CSNK1G3: variants seen among roughly 807,000 people sequenced by gnomAD.
CSNK1G3 encodes casein kinase 1 gamma 3, also known as casein kinase I isoform gamma-3.
Under a neutral mutation model 64.3 loss-of-function variants are expected in CSNK1G3, and 23 were observed. The observed-to-expected ratio is 0.36, with a 90% CI of 0.26 to 0.51. CSNK1G3 has a LOEUF of 0.51. Ranked by LOEUF, CSNK1G3 falls within the 20% of genes least tolerant of loss-of-function variation. CSNK1G3 has a pLI of 0.96. For missense variants in CSNK1G3, 357 were observed against 510.5 expected (o/e 0.70, Z 2.90); for synonymous variants, 158 against 162.2 (o/e 0.97, Z 0.20).
At chr5:123,613,411 A>ATGTGTGTGTGTG (rs34051969) in intron 12 of CSNK1G3, among the ~76,000 whole-genome samples, 1 of 148,712 alleles carries the variant, frequency 6.7e-6, no homozygotes, top group Non-Finnish European at 1.5e-5. Context: ...TGTCCAGTGC[A>ATGTGTGTGTGTG]TGTGTGTGTG....
chr5:123,584,261 G>A (rs1790894323), intron 6 of CSNK1G3, among the ~76,000 whole-genome samples: 1 of 152,048 alleles, frequency 6.6e-6, no homozygotes, highest in Non-Finnish European at 1.5e-5. Flanking sequence ...TCTTAGGAGT[G>A]TCTTTTATCA....
At chr5:123,531,227 C>T (rs1439703257) in intron 1 of CSNK1G3, among the ~76,000 whole-genome samples, 1 of 152,020 alleles carries the variant, frequency 6.6e-6, no homozygotes, top group Non-Finnish European at 1.5e-5. Context: ...TATTGAATAA[C>T]ATGCTAAATA....
chr5:123,534,137 G>T (rs1184434455), intron 1 of CSNK1G3, among the ~76,000 whole-genome samples: 1 of 151,934 alleles, frequency 6.6e-6, no homozygotes, highest in Non-Finnish European at 1.5e-5. Flanking sequence ...ATAAAGTTAC[G>T]TATACTAGAG....
chr5:123,581,163 T>G (rs1790166845), intron 6 of CSNK1G3, among the ~76,000 whole-genome samples: 1 of 151,692 alleles, frequency 6.6e-6, no homozygotes, highest in African/African-American at 2.4e-5. Context: ...ATTATATAAT[T>G]TTTTGTTAGA....
intron 4 of CSNK1G3, among the ~76,000 whole-genome samples, chr5:123,562,837 C>CA: frequency 6.6e-6 from 1 of 152,030 alleles, no homozygotes; most frequent in Admixed American, 6.6e-5. Context: ...ACAACTCAGC[C>CA]ATCTAAAATT....
intron 12 of CSNK1G3, among the ~76,000 whole-genome samples, chr5:123,608,115 A>G (rs546538112): frequency 1.3e-5 from 2 of 152,174 alleles, no homozygotes; most frequent in Admixed American, 1.3e-4. Flanking sequence ...ATTGCATCTT[A>G]TACTTCTCTT....
chr5:123,601,170 T>C (rs1231683620), intron 10 of CSNK1G3, among the ~76,000 whole-genome samples: 2 of 152,194 alleles, frequency 1.3e-5, no homozygotes, highest in Non-Finnish European at 2.9e-5. Context: ...CTTTAGAATT[T>C]GGCTTATAAA....
chr5:123,539,971 A>T (rs565177570), intron 1 of CSNK1G3, among the ~76,000 whole-genome samples: 2 of 152,008 alleles, frequency 1.3e-5, no homozygotes, highest in African/African-American at 2.4e-5. Flanking sequence ...GATCATTTTG[A>T]TATCCCTTCT....
chr5:123,556,236 A>G (rs1166764743), intron 3 of CSNK1G3, among the ~76,000 whole-genome samples: 1 of 152,046 alleles, frequency 6.6e-6, no homozygotes. Context: ...TGTTGGTCAC[A>G]GTTTCATTAT....
At chr5:123,603,338 AGAGAATTTGG>A (rs1794802642) in intron 10 of CSNK1G3, among the ~76,000 whole-genome samples, 5 of 152,092 alleles carry the variant, frequency 3.3e-5, no homozygotes, top group Admixed American at 3.3e-4. Context: ...TGCAGAAACA[AGAGAATTTGG>A]GAGAATTTGG....
rs373807004 is a variant in CSNK1G3, at chr5:123,592,984, G to A, written c.1086+1570G>A. Among the ~76,000 whole-genome samples, 6 of 151,676 alleles carry A rather than the reference G, an allele frequency of 4.0e-5. No individual in the cohort carries two copies. The East Asian group carries it at 9.7e-4, about 24-fold the overall frequency. ...AATGTACTTGGAAGAAGATTAATAC[G>A]GTATTCTTTGAAATTCTCCACTTGA... On this transcript the variant is annotated intron_variant, in intron 10 of 12. Transcript: ENST00000345990.
chr5:123,514,166 G>A (rs1407019677), intron 1 of CSNK1G3, among the ~76,000 whole-genome samples: 1 of 152,150 alleles, frequency 6.6e-6, no homozygotes, highest in East Asian at 1.9e-4. Context: ...TTATTGAAAT[G>A]GGAGACAGAA....
intron 10 of CSNK1G3, among the ~76,000 whole-genome samples, chr5:123,599,700 T>A (rs550303705): frequency 6.6e-6 from 1 of 152,274 alleles, no homozygotes; most frequent in Non-Finnish European, 1.5e-5. Context: ...TACAATCACA[T>A]CTTTCTATTC....
chr5:123,524,347 C>G (rs984550884), intron 1 of CSNK1G3, among the ~76,000 whole-genome samples: 2 of 152,158 alleles, frequency 1.3e-5, no homozygotes, highest in African/African-American at 4.8e-5. Flanking sequence ...TCATCAAACA[C>G]TCTTTTTAGT....
At chr5:123,554,572 C>G (rs1334620943) in intron 3 of CSNK1G3, among the ~76,000 whole-genome samples, 1 of 152,206 alleles carries the variant, frequency 6.6e-6, no homozygotes, top group Non-Finnish European at 1.5e-5. Flanking sequence ...TGGGATCCGC[C>G]TGCCTCGGCC....
chr5:123,549,474 C>T (rs994306292), intron 2 of CSNK1G3, among the ~76,000 whole-genome samples: 1 of 152,156 alleles, frequency 6.6e-6, no homozygotes, highest in Non-Finnish European at 1.5e-5. Flanking sequence ...CCCATACACC[C>T]AAGAGGCAAT....
intron 10 of CSNK1G3, among the ~76,000 whole-genome samples, chr5:123,601,244 G>C (rs1302882254): frequency 6.6e-6 from 1 of 152,098 alleles, no homozygotes; most frequent in African/African-American, 2.4e-5. Flanking sequence ...ATTTACAGTA[G>C]TATATCTTCA....
intron 6 of CSNK1G3, 88 bp downstream of exon 6, chr5:123,576,051 C>A (rs1176861762): frequency 1.3e-6 from 1 of 760,246 alleles, no homozygotes; most frequent in South Asian, 2.0e-5. Flanking sequence ...TCAGTTTTTG[C>A]AGATTATAAT....
At chr5:123,512,799 G>C (rs543772958) in intron 1 of CSNK1G3, among the ~76,000 whole-genome samples, 1 of 151,686 alleles carries the variant, frequency 6.6e-6, no homozygotes, top group South Asian at 2.1e-4. Flanking sequence ...GGCTGAGGGC[G>C]CGGAGGGCTA....
Sources: gnomAD v4.1 joint callset for allele counts (sites outside exome capture counted in the v4.1 genomes callset) on GRCh38, gnomAD v4.1.1 for gene constraint, MANE v1.5 for transcripts, NCBI Gene and HGNC (gene_info 2026-07-23, HGNC 2026-07-21) for gene names.